Variants in PCDHGA7 observed in about 807,000 individuals in gnomAD.
PCDHGA7 encodes protocadherin gamma subfamily A, 7.
In PCDHGA7, 44 loss-of-function variants were observed where a neutral mutation model predicts 58.3. The observed-to-expected ratio is 0.75, with a 90% confidence interval of 0.59 to 0.97. The LOEUF (loss-of-function observed/expected upper bound fraction) is 0.97, where lower values mean the gene tolerates loss of function less well. Among genes scored for constraint, PCDHGA7 ranks in the 50% least tolerant of loss-of-function variants. The pLI, the probability that PCDHGA7 is intolerant of heterozygous loss-of-function variation, is 0.00. For missense variants in PCDHGA7, 1,266 were observed against 1,188.7 expected (o/e 1.06, Z -0.96); for synonymous variants, 516 against 504.2 (o/e 1.02, Z -0.31).
In PCDHGA7 at chr5:141,476,238, G is replaced by A; in HGVS notation, c.2425-18569G>A. The A allele has an allele frequency of 1.2e-6, 2 of 1,614,098 alleles. No individual in the cohort carries two copies. ...ATTCACTATGAGATCCCGGAGGAAAGAGAGAAGGGTTTCGCTGTGGGCAAC... is the reference window on the plus strand; with the variant it reads ...ATTCACTATGAGATCCCGGAGGAAAAAGAGAAGGGTTTCGCTGTGGGCAAC... On this transcript the variant is annotated intron_variant, in intron 1 of 3. Coordinates refer to ENST00000518325, the MANE Select transcript of PCDHGA7 (RefSeq NM_018920.4). The surrounding 1 kb of genome is among the most constrained non-coding windows in gnomAD (Gnocchi z 7.6).
In PCDHGA7 at chr5:141,427,737, G is replaced by C. The variant is rs1460682938; in HGVS notation, c.2424+42414G>C. 2.5e-6 allele frequency: 3 copies of C among 1,223,986 alleles called. No homozygotes were observed. The African/African-American group carries it at 4.4e-5, about 18-fold the overall frequency. 75.8% of individuals were successfully genotyped at this position (1,223,986 alleles called of 1,614,324 possible). A position where few individuals can be genotyped will look rare whatever the true frequency, so the allele number is the denominator to read the frequency against. On this transcript the variant is annotated intron_variant, in intron 1 of 3. Coordinates refer to ENST00000518325, the MANE Select transcript of PCDHGA7 (RefSeq NM_018920.4). The stretch of plus-strand genomic sequence containing the variant: ...CCTGGACCTAGGGCTGAATGGCCAA[G>C]TCTCCTACTCCATCGTTACCACTGA...
chr5:141,415,423 G>T (rs2154545734), intron 1 of PCDHGA7: 1 of 1,614,204 alleles, frequency 6.2e-7, no homozygotes, highest in Non-Finnish European at 8.5e-7. Context: ...CGTGGACGGG[G>T]TTCGGGCTTT....
In PCDHGA7 at chr5:141,488,647, T is replaced by TG. The variant is rs535492979; in HGVS notation, c.2425-6155dup. ...CTCACCTTAGCAGCATTCAGCAGGA[T>TG]GGGGGAGGGTGGGGGAATACATGGG... On this transcript the variant is annotated intron_variant, in intron 1 of 3. Transcript: ENST00000518325. Among the ~76,000 whole-genome samples, 173 of 152,088 alleles carry TG rather than the reference T, an allele frequency of 1.1e-3. 1 individual carries two copies. Among genetic ancestry groups the TG allele is most frequent in the African/African-American group, 3.9e-3 (160 of 41,492 alleles).
chr5:141,384,978 G>C lies in PCDHGA7; in HGVS notation c.2079G>C (p.Leu693=), dbSNP rs1394445835. The C allele has an allele frequency of 6.2e-7, 1 of 1,614,032 alleles. No individual in the cohort carries two copies. The highest frequency in any genetic ancestry group is 8.5e-7 in the Non-Finnish European group (1 of 1,180,044). ...GPYNYDLTLY[L]VVAVATVSCV... ...ACAACTATGACCTCACGTTGTACCT[G>C]GTGGTGGCGGTGGCCACAGTCTCCT... The change falls in exon 1 of 4, where the codon CTG becomes CTC. Residue 693 remains leucine (L), a synonymous_variant. Coordinates refer to ENST00000518325, the MANE Select transcript of PCDHGA7 (RefSeq NM_018920.4).
chr5:141,471,717 C>T (rs1196344901), intron 1 of PCDHGA7, among the ~76,000 whole-genome samples: 1 of 152,022 alleles, frequency 6.6e-6, no homozygotes, highest in Non-Finnish European at 1.5e-5. Flanking sequence ...GTGCCACTTA[C>T]CAGGTAAGGA....
chr5:141,430,915 G>T, intron 1 of PCDHGA7: 1 of 1,607,738 alleles, frequency 6.2e-7, no homozygotes, highest in East Asian at 2.2e-5. Flanking sequence ...CCAGGGACCT[G>T]GGGCTGGAGC....
intron 1 of PCDHGA7, chr5:141,433,358 CCTAT>C (rs3074541): frequency 0.23 from 113,181 of 502,952 alleles, 11,570 homozygotes; most frequent in Non-Finnish European, 0.24. Flanking sequence ...CTACTGTCTG[CCTAT>C]CTATCTATCT....
intron 1 of PCDHGA7, chr5:141,410,657 G>A: frequency 1.9e-6 from 3 of 1,579,248 alleles, no homozygotes; most frequent in Non-Finnish European, 2.6e-6. Flanking sequence ...TTATCTAATA[G>A]TCTACTAGTT....
intron 1 of PCDHGA7, chr5:141,404,996 G>C (rs776423830): frequency 6.2e-7 from 1 of 1,613,974 alleles, no homozygotes; most frequent in South Asian, 1.1e-5. Context: ...TCAGATCCCT[G>C]CAGACCTGGA....
chr5:141,426,614 G>T (rs1468159807), intron 1 of PCDHGA7: 25 of 385,508 alleles, frequency 6.5e-5, no homozygotes, highest in Non-Finnish European at 1.3e-4. Context: ...TTGTAGCAGA[G>T]AATCCTCTAA....
intron 1 of PCDHGA7, chr5:141,419,502 T>C: frequency 6.2e-7 from 1 of 1,612,388 alleles, no homozygotes; most frequent in Admixed American, 1.7e-5. Context: ...AATGTGAGCC[T>C]GCGCGTGTTG....
Position 141,432,099 on chromosome 5 carries a change from A to G in PCDHGA7, c.2424+46776A>G. On this transcript the variant is annotated intron_variant, in intron 1 of 3. Transcript: ENST00000518325. This position sits in a 1 kb window ranked among gnomAD's most constrained non-coding sequence, Gnocchi z 6.0. ...TCGCTGAACGTGGCAGACACCAACG[A>G]CAACCCGCCGGTCTTCCCTCAGGCC... 6.2e-7 allele frequency: 1 copy of G among 1,614,102 alleles called. No homozygotes were observed. The highest frequency in any genetic ancestry group is 1.1e-5 in the South Asian group (1 of 91,070).
At position 141,477,107 on chromosome 5, in the gene PCDHGA7, C is replaced by A. The variant is rs1431445150; in HGVS notation, c.2425-17700C>A. ...CCAGGCCAAAGACAAGGGCGCCAAT[C>A]CCGAAGGAGCACATTGCAAAGTGTT... On this transcript the variant is annotated intron_variant, in intron 1 of 3. Coordinates refer to ENST00000518325, the MANE Select transcript of PCDHGA7 (RefSeq NM_018920.4). This position sits in a 1 kb window ranked among gnomAD's most constrained non-coding sequence, Gnocchi z 4.9. 1 of 1,614,252 alleles carries A rather than the reference C, an allele frequency of 6.2e-7. No homozygotes were observed. The highest frequency in any genetic ancestry group is 8.5e-7 in the Non-Finnish European group (1 of 1,180,048).
chr5:141,403,204 G>A, intron 1 of PCDHGA7: 4 of 1,613,952 alleles, frequency 2.5e-6, no homozygotes, highest in Non-Finnish European at 3.4e-6. Flanking sequence ...GCGGCACCTT[G>A]GTCACCGCGG....
chr5:141,410,333 A>G lies in PCDHGA7; in HGVS notation c.2424+25010A>G, dbSNP rs774436706. 4.7e-5 allele frequency: 76 copies of G among 1,613,666 alleles called. No individual in the cohort carries two copies. Among genetic ancestry groups the G allele is most frequent in the Non-Finnish European group, 4.0e-5 (47 of 1,179,884 alleles). ...CTTCCTCCTCGCCGTGATTCTGGCC[A>G]TTGCCTTGCGCCTGCGACGCTCTCT... On this transcript the variant is annotated intron_variant, in intron 1 of 3. Transcript: ENST00000518325.
chr5:141,411,192 G>C (rs2095472836), intron 1 of PCDHGA7: 1 of 152,098 alleles, frequency 6.6e-6, no homozygotes, highest in African/African-American at 2.4e-5. Flanking sequence ...TGGCATCTAA[G>C]AAAACAAACA....
At chr5:141,391,869 T>A (rs2092430763) in intron 1 of PCDHGA7, 2 of 152,218 alleles carry the variant, frequency 1.3e-5, no homozygotes, top group Admixed American at 1.3e-4. Flanking sequence ...AATTTAATCA[T>A]CTCTTTGGTG....
At chr5:141,409,988 GCCGACT>G in intron 1 of PCDHGA7, 1 of 1,613,278 alleles carries the variant, frequency 6.2e-7, no homozygotes, top group East Asian at 2.2e-5. Context: ...AGCGGTGGAC[GCCGACT>G]CGGGACACAA....
chr5:141,489,467 C>G lies in PCDHGA7; in HGVS notation c.2425-5340C>G. 1 of 1,614,076 alleles carries G rather than the reference C, an allele frequency of 6.2e-7. No individual in the cohort carries two copies. The highest frequency in any genetic ancestry group is 8.5e-7 in the Non-Finnish European group (1 of 1,180,026). Reference sequence around the variant, plus strand: ...TCTGAGGAGAATGGGCGCTATTTTTCCCTGAGCTTGATGAGTGGTGCCCTG... The same window carrying G: ...TCTGAGGAGAATGGGCGCTATTTTTGCCTGAGCTTGATGAGTGGTGCCCTG... On this transcript the variant is annotated intron_variant, in intron 1 of 3. Transcript: ENST00000518325. The surrounding 1 kb of genome is among the most constrained non-coding windows in gnomAD (Gnocchi z 4.5).
Sources: gnomAD v4.1 joint callset for allele counts (sites outside exome capture counted in the v4.1 genomes callset) on GRCh38, gnomAD v4.1.1 for gene constraint, Gnocchi (gnomAD v3.1) non-coding constraint, MANE v1.5 for transcripts, NCBI Gene and HGNC (gene_info 2026-07-23, HGNC 2026-07-21) for gene names.